Variants in LRCH3 observed in about 807,000 individuals in gnomAD.
LRCH3 encodes the protein DISP complex protein LRCH3.
A neutral mutation model predicts 104.5 loss-of-function variants in LRCH3; 68 were observed. The observed-to-expected ratio is 0.65, with a 90% CI of 0.54 to 0.80. LRCH3 has a LOEUF of 0.80. Among genes scored for constraint, LRCH3 ranks in the 30% least tolerant of loss-of-function variants. The probability of loss-of-function intolerance (pLI) is 0.00; values close to 1 mark genes in which losing one functional copy is unlikely to be tolerated. For missense variants in LRCH3, 951 were observed against 953.9 expected (o/e 1.00, Z 0.04); for synonymous variants, 344 against 361.3 (o/e 0.95, Z 0.54).
intron 17 of LRCH3, among the ~76,000 whole-genome samples, chr3:197,867,249 T>C (rs1256600962): frequency 1.3e-5 from 2 of 151,576 alleles, no homozygotes; most frequent in Non-Finnish European, 2.9e-5. Context: ...TATACTCCAG[T>C]CTGGGCGGTA....
At chr3:197,802,971 G>T (rs1445474164) in intron 1 of LRCH3, among the ~76,000 whole-genome samples, 1 of 152,152 alleles carries the variant, frequency 6.6e-6, no homozygotes, top group Non-Finnish European at 1.5e-5. Flanking sequence ...CTTCTCTTTG[G>T]TGTGAAAAAG....
intron 19 of LRCH3, 102 bp downstream of exon 19, chr3:197,871,564 A>T: frequency 6.7e-7 from 1 of 1,485,644 alleles, no homozygotes; most frequent in African/African-American, 1.4e-5. Context: ...AAGGATACAG[A>T]TATAAAGAGT....
Position 197,791,343 on chromosome 3 carries a change from G to A in LRCH3, c.65G>A (p.Gly22Glu), listed in dbSNP as rs780027360. The A allele has an allele frequency of 4.5e-5, 72 of 1,608,446 alleles. No individual in the cohort carries two copies. In the East Asian group the frequency reaches 1.4e-3, roughly 32 times the overall value. ...GAGTACTCTGGCACGGTAGCGTCGG[G>A]AGGTAACCTCCCTGGTGTTCACTGC... is the stretch of plus-strand genomic sequence containing the variant. The part of the protein sequence containing the change: ...AAEYSGTVAS[G>E]GNLPGVHCGP... Residue 22 changes from glycine (G) to glutamate (E), a missense_variant, in exon 1 of 21, where the codon GGA becomes GAA. Coordinates refer to ENST00000425562, the MANE Select transcript of LRCH3 (RefSeq NM_001365715.1).
rs549071508 is a variant in LRCH3 at position 197,880,098 on chromosome 3, A to G, written c.2209-3443A>G. On this transcript the variant is annotated intron_variant, in intron 20 of 20. Coordinates refer to ENST00000425562, the MANE Select transcript of LRCH3 (RefSeq NM_001365715.1). ...GTAGCTGGGACTACAGGCGCCCGCC[A>G]CCACGCCCGGCTAATTTTTTGTATT... is the stretch of plus-strand genomic sequence containing the variant. Among the ~76,000 whole-genome samples, 49 of 149,400 alleles carry G rather than the reference A, an allele frequency of 3.3e-4. No homozygotes were observed. The South Asian group carries it at 6.2e-3, about 19-fold the overall frequency.
chr3:197,817,661 T>A (rs1037727421), intron 3 of LRCH3, among the ~76,000 whole-genome samples: 1 of 152,116 alleles, frequency 6.6e-6, no homozygotes, highest in Admixed American at 6.6e-5. Context: ...ATTGAATTTT[T>A]CAAAATAAAT....
chr3:197,879,544 G>C (rs1433652085), intron 20 of LRCH3, among the ~76,000 whole-genome samples: 1 of 151,942 alleles, frequency 6.6e-6, no homozygotes, highest in African/African-American at 2.4e-5. Flanking sequence ...TGCTCGGGAG[G>C]CTGAGGCGGG....
intron 5 of LRCH3, among the ~76,000 whole-genome samples, chr3:197,829,053 C>T (rs1219010607): frequency 6.6e-6 from 1 of 152,172 alleles, no homozygotes. Context: ...TATGAGTAAA[C>T]TTCCTAACAA....
At chr3:197,862,197 T>C (rs1042697486) in intron 15 of LRCH3, among the ~76,000 whole-genome samples, 2 of 152,202 alleles carry the variant, frequency 1.3e-5, no homozygotes, top group Admixed American at 1.3e-4. Context: ...GATTTTACCG[T>C]GTTGGCCAGG....
chr3:197,842,392 C>T (rs968404067), intron 10 of LRCH3, among the ~76,000 whole-genome samples: 4 of 152,126 alleles, frequency 2.6e-5, no homozygotes, highest in East Asian at 3.9e-4. Context: ...AAGACACAGT[C>T]GCCTCAGAAT....
chr3:197,791,267 G>A lies in LRCH3; in HGVS notation c.-12G>A, dbSNP rs998841790. On this transcript the variant is annotated 5_prime_UTR_variant, in exon 1 of 21. Coordinates refer to ENST00000425562, the MANE Select transcript of LRCH3 (RefSeq NM_001365715.1). ...CGCTGAGCTGGCGGGCCCGAGTGTT[G>A]TCGGCTGGGAAATGGCGGCCGCGGG... 1 of 1,608,138 alleles carries A rather than the reference G, an allele frequency of 6.2e-7. No homozygotes were observed. The highest frequency in any genetic ancestry group is 1.3e-5 in the African/African-American group (1 of 74,498).
rs545467430 is a variant in LRCH3, at chr3:197,885,315, T to C, written c.*1649T>C. ...GTTTCTGTGGCTGAATTTAAGCACTTACAGCATCTTCCTAGCTGGGTGTGG... is the reference window on the plus strand; with the variant it reads ...GTTTCTGTGGCTGAATTTAAGCACTCACAGCATCTTCCTAGCTGGGTGTGG... On this transcript the variant is annotated 3_prime_UTR_variant, in exon 21 of 21. Coordinates refer to ENST00000425562, the MANE Select transcript of LRCH3 (RefSeq NM_001365715.1). The C allele has an allele frequency of 1.3e-5, 2 of 152,378 alleles. No individual in the cohort carries two copies. The highest frequency in any genetic ancestry group is 6.5e-5 in the Admixed American group (1 of 15,302). The allele number at this position is 152,378 out of a possible 1,614,324, so 9.4% of individuals were successfully genotyped here. A position where few individuals can be genotyped will look rare whatever the true frequency, so the allele number is the denominator to read the frequency against.
At chr3:197,870,583 C>A (rs1460824359) in intron 18 of LRCH3, among the ~76,000 whole-genome samples, 1 of 152,216 alleles carries the variant, frequency 6.6e-6, no homozygotes, top group Non-Finnish European at 1.5e-5. Context: ...CCGGGCTGGT[C>A]TCGAACTCCT....
intron 19 of LRCH3, 59 bp downstream of exon 19, chr3:197,871,521 G>C: frequency 6.3e-7 from 1 of 1,595,712 alleles, no homozygotes. Context: ...AAGCACAGTG[G>C]ACAGACATTT....
At chr3:197,831,085 A>G in intron 7 of LRCH3, 1 of 423,646 alleles carries the variant, frequency 2.4e-6, no homozygotes, top group East Asian at 4.5e-5. Context: ...TGCCTCATGG[A>G]AATAGTTTCA....
chr3:197,816,972 C>T (rs1416445778), intron 2 of LRCH3, among the ~76,000 whole-genome samples: 2 of 152,040 alleles, frequency 1.3e-5, no homozygotes, highest in African/African-American at 4.8e-5. Flanking sequence ...GATGAGAAAT[C>T]TCTGTAAGAT....
chr3:197,808,439 T>G (rs554425637), intron 1 of LRCH3, among the ~76,000 whole-genome samples: 44 of 152,320 alleles, frequency 2.9e-4, no homozygotes, highest in African/African-American at 1.1e-3. Context: ...ATTCCTTTCT[T>G]TCACCACTTA....
At chr3:197,797,251 C>A (rs373478184) in intron 1 of LRCH3, among the ~76,000 whole-genome samples, 2 of 141,884 alleles carry the variant, frequency 1.4e-5, no homozygotes, top group Non-Finnish European at 3.0e-5. Context: ...ATTTCTTGAA[C>A]CCTGGAAGTG....
intron 20 of LRCH3, chr3:197,880,507 GACA>G: frequency 1.3e-6 from 2 of 1,534,742 alleles, no homozygotes; most frequent in Middle Eastern, 1.7e-4. Flanking sequence ...TTACACTTTG[GACA>G]GGACAATCTT....
At chr3:197,882,351 T>G in intron 20 of LRCH3, 1 of 985,330 alleles carries the variant, frequency 1.0e-6, no homozygotes, top group Non-Finnish European at 1.2e-6. Context: ...TTCTACAAAG[T>G]TGCTAGTTTT....
Sources: gnomAD v4.1 joint callset for allele counts (sites outside exome capture counted in the v4.1 genomes callset) on GRCh38, gnomAD v4.1.1 for gene constraint, MANE v1.5 for transcripts, NCBI Gene and HGNC (gene_info 2026-07-23, HGNC 2026-07-21) for gene names.